The following METTL25 variants were observed in gnomAD, a reference collection of about 807,000 sequenced individuals.
The protein encoded by METTL25 is probable methyltransferase-like protein 25.
METTL25 carries 64 observed loss-of-function variants against 71.6 expected under a neutral mutation model. The observed-to-expected ratio is 0.89, with a 90% CI of 0.73 to 1.10. The LOEUF (loss-of-function observed/expected upper bound fraction) is 1.10. Ranked by LOEUF, METTL25 falls within the 50% of genes least tolerant of loss-of-function variation. The pLI, the probability that METTL25 is intolerant of heterozygous loss-of-function variation, is 0.00. For synonymous variants in METTL25, 287 were observed against 250.3 expected, an observed-to-expected ratio of 1.15 and a Z score of -1.38; for missense variants, 807 against 707.0, an observed-to-expected ratio of 1.14 and a Z score of -1.60.
In METTL25 at chr12:82,391,653, G is replaced by A. The variant is rs184581642; in HGVS notation, c.531+1731G>A. Reference sequence around the variant, plus strand: ...ATTGATGGACACTTAGGTTGTTTCCGTATTTTGGCTATTATGAATAGTGTT... The same window carrying A: ...ATTGATGGACACTTAGGTTGTTTCCATATTTTGGCTATTATGAATAGTGTT... On this transcript the variant is annotated intron_variant, in intron 3 of 11. Transcript: ENST00000248306. 3.6e-3 allele frequency among the ~76,000 whole-genome samples: 530 copies of A among 149,050 alleles called. 2 individuals carry two copies. Among genetic ancestry groups the A allele is most frequent in the Admixed American group, 8.3e-3 (124 of 14,978 alleles).
chr12:82,422,843 T>C (rs1888645110), intron 5 of METTL25, among the ~76,000 whole-genome samples: 1 of 152,248 alleles, frequency 6.6e-6, no homozygotes, highest in East Asian at 1.9e-4. Flanking sequence ...TTACAAGGGA[T>C]GTGAAGGACC....
intron 5 of METTL25, among the ~76,000 whole-genome samples, chr12:82,425,887 T>C (rs909441955): frequency 1.3e-5 from 2 of 152,038 alleles, no homozygotes; most frequent in African/African-American, 2.4e-5. Flanking sequence ...CTCTAAGAGA[T>C]TATTGATTCT....
At chr12:82,370,331 G>A (rs189402092) in intron 1 of METTL25, among the ~76,000 whole-genome samples, 10 of 152,286 alleles carry the variant, frequency 6.6e-5, no homozygotes, top group African/African-American at 1.9e-4. Flanking sequence ...TATAGGGCCC[G>A]AAGGTGAGTA....
chr12:82,471,005 C>T (rs1892539017), intron 9 of METTL25, among the ~76,000 whole-genome samples: 1 of 152,112 alleles, frequency 6.6e-6, no homozygotes, highest in Non-Finnish European at 1.5e-5. Flanking sequence ...GGACAAGATG[C>T]TTGCTTTCAA....
intron 8 of METTL25, among the ~76,000 whole-genome samples, chr12:82,442,009 A>G (rs1890383661): frequency 6.6e-6 from 1 of 152,016 alleles, no homozygotes; most frequent in South Asian, 2.1e-4. Context: ...AATTAACGCA[A>G]TACCACTACC....
chr12:82,413,852 GATA>G (rs1451645163), intron 5 of METTL25, among the ~76,000 whole-genome samples: 3 of 151,606 alleles, frequency 2.0e-5, no homozygotes, highest in African/African-American at 7.3e-5. Flanking sequence ...GCATTTGGAT[GATA>G]ATAAGAAATT....
At chr12:82,472,499 G>A (rs938762160) in intron 9 of METTL25, among the ~76,000 whole-genome samples, 1 of 152,138 alleles carries the variant, frequency 6.6e-6, no homozygotes, top group African/African-American at 2.4e-5. Flanking sequence ...TTGGGAGGCT[G>A]AGGCAGGAGA....
chr12:82,371,640 G>A (rs1451524954), intron 1 of METTL25, among the ~76,000 whole-genome samples: 5 of 151,974 alleles, frequency 3.3e-5, no homozygotes, highest in East Asian at 1.9e-4. Context: ...GTTTAATAAC[G>A]CCTCCAGATT....
intron 6 of METTL25, among the ~76,000 whole-genome samples, chr12:82,434,466 G>C (rs1889761599): frequency 6.6e-6 from 1 of 151,274 alleles, no homozygotes; most frequent in Non-Finnish European, 1.5e-5. Flanking sequence ...GACATTCAAG[G>C]ATATGTGTTT....
chr12:82,444,204 A>G (rs1457182080), intron 8 of METTL25, among the ~76,000 whole-genome samples: 2 of 152,204 alleles, frequency 1.3e-5, no homozygotes, highest in African/African-American at 2.4e-5. Context: ...GCTCTAATTC[A>G]TCTGGCAACA....
chr12:82,362,243 C>A (rs1481619476), intron 1 of METTL25, among the ~76,000 whole-genome samples: 1 of 152,124 alleles, frequency 6.6e-6, no homozygotes, highest in African/African-American at 2.4e-5. Flanking sequence ...AAATAAAAAG[C>A]AAATATGTTA....
rs372818956 is a variant in METTL25 at position 82,358,549 on chromosome 12, C to G, written c.-17C>G. 2 of 1,607,406 alleles carry G rather than the reference C, an allele frequency of 1.2e-6. No individual in the cohort carries two copies. The highest frequency in any genetic ancestry group is 1.7e-6 in the Non-Finnish European group (2 of 1,178,790). The stretch of plus-strand genomic sequence containing the variant: ...CGGCCATGTTTGCGCCACCTACAGC[C>G]TCGGAGGGTGAGCGTCATGGCGGCT... On this transcript the variant is annotated 5_prime_UTR_variant, in exon 1 of 12. Transcript: ENST00000248306.
At chr12:82,434,799 C>A (rs1889797016) in intron 7 of METTL25, 75 bp downstream of exon 7, 2 of 1,159,202 alleles carry the variant, frequency 1.7e-6, no homozygotes, top group African/African-American at 1.5e-5. Flanking sequence ...TGCTGATGAA[C>A]TTAAAACCTA....
At chr12:82,438,830 A>G (rs574830565) in intron 8 of METTL25, 39 bp downstream of exon 8, 1 of 1,467,452 alleles carries the variant, frequency 6.8e-7, no homozygotes, top group African/African-American at 1.4e-5. Flanking sequence ...ACTATGTTAT[A>G]TTGTAAGTAA....
At position 82,403,148 on chromosome 12, in the gene METTL25, G is replaced by T; in HGVS notation, c.1279+18G>T. 1 of 1,591,890 alleles carries T rather than the reference G, an allele frequency of 6.3e-7. No individual in the cohort carries two copies. Among genetic ancestry groups the T allele is most frequent in the Non-Finnish European group, 8.5e-7 (1 of 1,172,266 alleles). On this transcript the variant is annotated intron_variant, in intron 5 of 11. Transcript: ENST00000248306. ...GCATAAAGGTACAAGTTCCCCATGTGTCATAATTTTTATTCATTTGAGCAT... is the reference window on the plus strand; with the variant it reads ...GCATAAAGGTACAAGTTCCCCATGTTTCATAATTTTTATTCATTTGAGCAT...
chr12:82,472,302 G>GA (rs547601361), intron 9 of METTL25, among the ~76,000 whole-genome samples: 51 of 151,460 alleles, frequency 3.4e-4, no homozygotes, highest in Non-Finnish European at 1.3e-4. Flanking sequence ...TTTTCGTTTT[G>GA]AAAAAAAATT....
chr12:82,476,967 G>A (rs1892913666), intron 10 of METTL25, among the ~76,000 whole-genome samples: 1 of 151,656 alleles, frequency 6.6e-6, no homozygotes, highest in Admixed American at 6.6e-5. Flanking sequence ...AACACATATT[G>A]GTCCCAATGC....
intron 1 of METTL25, among the ~76,000 whole-genome samples, chr12:82,364,176 A>T (rs28626834): frequency 0.92 from 140,748 of 152,284 alleles, 65,365 homozygotes; most frequent in East Asian, 1. Context: ...TGGGATCTTA[A>T]GAGGTCACAG....
intron 1 of METTL25, among the ~76,000 whole-genome samples, chr12:82,360,469 A>G (rs1237681442): frequency 6.6e-6 from 1 of 151,638 alleles, no homozygotes; most frequent in African/African-American, 2.4e-5. Context: ...TTAGTGCTGT[A>G]AGAAAAAAAG....
Sources: allele counts gnomAD v4.1 joint callset (sites outside exome capture counted in the v4.1 genomes callset), GRCh38; gene constraint gnomAD v4.1.1; transcripts MANE v1.5; gene names NCBI Gene and HGNC (gene_info 2026-07-23, HGNC 2026-07-21).